ADGRG1: variants seen among roughly 807,000 people sequenced by gnomAD.
ADGRG1 encodes adhesion G protein-coupled receptor G1.
ADGRG1 carries 53 observed loss-of-function variants against 73.5 expected under a neutral mutation model. That is an observed-to-expected ratio of 0.72 (90% CI 0.58 to 0.91). The LOEUF (loss-of-function observed/expected upper bound fraction) is 0.91, where lower values mean the gene tolerates loss of function less well. Among genes scored for constraint, ADGRG1 ranks in the 40% least tolerant of loss-of-function variants. The probability of loss-of-function intolerance (pLI) is 0.00; values close to 1 mark genes in which losing one functional copy is unlikely to be tolerated. For synonymous variants in ADGRG1, 394 were observed against 374.4 expected (o/e 1.05, Z -0.60); for missense variants, 795 against 871.8 (o/e 0.91, Z 1.11).
chr16:57,655,317 G>GT lies in ADGRG1; in HGVS notation c.769-82_769-81insT, dbSNP rs2045410604. 105 of 1,542,014 alleles carry GT rather than the reference G, an allele frequency of 6.8e-5. No homozygotes were observed. The Middle Eastern group carries it at 1.7e-3, about 24-fold the overall frequency. ...GAAGTGGCAGCGTCCAGGAACGGAT[G>GT]GGTGTGTGTGTGTGTGTGCTAGGGT... On this transcript the variant is annotated intron_variant, in intron 5 of 13. Transcript: ENST00000562631.
intron 12 of ADGRG1, 75 bp downstream of exon 12, chr16:57,660,951 G>C: frequency 1.1e-6 from 1 of 899,680 alleles, no homozygotes; most frequent in Non-Finnish European, 1.8e-6. Flanking sequence ...CCGGGCCCAG[G>C]TCATGCTGGC....
chr16:57,661,752 C>T lies in ADGRG1; in HGVS notation c.1720C>T (p.Leu574=), dbSNP rs1597673726. The T allele has an allele frequency of 6.2e-7, 1 of 1,614,218 alleles. No homozygotes were observed. Among genetic ancestry groups the T allele is most frequent in the South Asian group, 1.1e-5 (1 of 91,090 alleles). The change falls in exon 13 of 14, where the codon CTG becomes TTG. Residue 574 remains leucine, a synonymous_variant. Transcript: ENST00000562631. ...SYITNLGLFS[L]VFLFNMAMLA... ...CATCACCAACCTGGGCCTCTTCAGC[C>T]TGGTGTTTCTGTTCAACATGGCCAT...
Position 57,653,289 on chromosome 16 carries a change from C to T in ADGRG1, c.574C>T (p.His192Tyr). Residue 192 changes from histidine (H) to tyrosine (Y), a missense_variant, in exon 4 of 14, where the codon CAT becomes TAT. His to Tyr is a moderately conservative substitution (Grantham distance 83). Transcript: ENST00000562631. ...CCAGCTGCTCAGCCAGTTCCTGAAG[C>T]ATCCCCAGAAGGCCTCAAGGAGGCC... ...DLQLLSQFLK[H>Y]PQKASRRPSA... 1 of 1,612,730 alleles carries T rather than the reference C, an allele frequency of 6.2e-7. No individual in the cohort carries two copies. Among genetic ancestry groups the T allele is most frequent in the Non-Finnish European group, 8.5e-7 (1 of 1,179,986 alleles).
chr16:57,663,659 C>A lies in ADGRG1; in HGVS notation c.*77C>A, dbSNP rs2047816584. 4.0e-6 allele frequency: 6 copies of A among 1,496,958 alleles called. No homozygotes were observed. The Admixed American group carries it at 1.0e-4, about 25-fold the overall frequency. The allele number at this position is 1,496,958 out of a possible 1,614,324, so 92.7% of individuals were successfully genotyped here. The stretch of plus-strand genomic sequence containing the variant: ...CACTGCCTGTGGCCCCCGAGCCCGG[C>A]CCAGCCCCAGGCCAGTCAGCCGCAG... On this transcript the variant is annotated 3_prime_UTR_variant, in exon 14 of 14. Coordinates refer to ENST00000562631, the MANE Select transcript of ADGRG1 (RefSeq NM_201525.4).
At position 57,655,962 on chromosome 16, in the gene ADGRG1, G is replaced by T. The variant is rs780089407; in HGVS notation, c.987G>T (p.Val329=). 6.2e-7 allele frequency: 1 copy of T among 1,614,074 alleles called. No homozygotes were observed. The highest frequency in any genetic ancestry group is 2.2e-5 in the East Asian group (1 of 44,876). ...NTKVANLTEP[V]VLTFQHQLQP... The stretch of plus-strand genomic sequence containing the variant: ...AAGTAGCCAACCTCACGGAGCCCGT[G>T]GTGCTCACTTTCCAGCACCAGCTAC... Residue 329 remains valine (V), a synonymous_variant, in exon 7 of 14, where the codon GTG becomes GTT. Coordinates refer to ENST00000562631, the MANE Select transcript of ADGRG1 (RefSeq NM_201525.4).
chr16:57,651,636 C>T lies in ADGRG1; in HGVS notation c.487+14C>T, dbSNP rs1309661776. 7 of 1,612,038 alleles carry T rather than the reference C, an allele frequency of 4.3e-6. No homozygotes were observed. In the Admixed American group the frequency reaches 1.0e-4, roughly 23 times the overall value. On this transcript the variant is annotated intron_variant, in intron 3 of 13. Coordinates refer to ENST00000562631, the MANE Select transcript of ADGRG1 (RefSeq NM_201525.4). Reference sequence around the variant, plus strand: ...TCTCCTTCCACAGTAAGGCAACTTCCAGGCGGAGGGAACAACTGGGCAGTG... The same window carrying T: ...TCTCCTTCCACAGTAAGGCAACTTCTAGGCGGAGGGAACAACTGGGCAGTG...
intron 7 of ADGRG1, 116 bp from the exon 8 acceptor site, chr16:57,656,110 G>T: frequency 6.2e-7 from 1 of 1,613,530 alleles, no homozygotes; most frequent in Non-Finnish European, 8.5e-7. Flanking sequence ...CGAGCAGTCA[G>T]GTCCAAATGG....
chr16:57,627,123 G>A (rs1280629273), upstream of ADGRG1: 2 of 983,630 alleles, frequency 2.0e-6, no homozygotes, highest in African/African-American at 3.5e-5. Context: ...CCCACGGGGT[G>A]GCTTTGTGGC....
In ADGRG1 at chr16:57,656,012, C is replaced by T. The variant is rs984495987; in HGVS notation, c.1017+20C>T. 6.2e-7 allele frequency: 1 copy of T among 1,613,864 alleles called. No individual in the cohort carries two copies. The highest frequency in any genetic ancestry group is 1.7e-5 in the Admixed American group (1 of 60,010). ...CAGCCGGTGAGTGGGGGCCAGCCAT[C>T]AAGAGAACAAGCGCCCCTCGGCCAT... On this transcript the variant is annotated intron_variant, in intron 7 of 13. Transcript: ENST00000562631.
rs1463074588 is a variant in ADGRG1, at chr16:57,655,387, G to A, written c.769-12G>A. 3.1e-6 allele frequency: 5 copies of A among 1,612,332 alleles called. No individual in the cohort carries two copies. The highest frequency in any genetic ancestry group is 1.7e-5 in the Admixed American group (1 of 59,984). ...GTCCGCATTTGGCTGAGCCCTAAAGGGACCTCTGCAGGAGGAGCAGAGCGA... is the reference window on the plus strand; with the variant it reads ...GTCCGCATTTGGCTGAGCCCTAAAGAGACCTCTGCAGGAGGAGCAGAGCGA... On this transcript the variant is annotated splice_polypyrimidine_tract_variant and intron_variant, in intron 5 of 13. Transcript: ENST00000562631.
Position 57,663,586 on chromosome 16 carries a change from T to TCCAG in ADGRG1, c.*7_*10dup. 6.2e-7 allele frequency: 1 copy of TCCAG among 1,612,598 alleles called. No homozygotes were observed. The highest frequency in any genetic ancestry group is 8.5e-7 in the Non-Finnish European group (1 of 1,179,834). ...CACCTCGTCCAGCCGCATCTAGGCC[T>TCCAG]CCAGCCCACCTGCCCATGTGATGAA... On this transcript the variant is annotated 3_prime_UTR_variant, in exon 14 of 14. Transcript: ENST00000562631.
At chr16:57,643,477 C>T in intron 1 of ADGRG1, 2 of 712,966 alleles carry the variant, frequency 2.8e-6, no homozygotes, top group Non-Finnish European at 3.4e-6. Flanking sequence ...CAGGGTGTGT[C>T]TGGGCAGGCA....
At chr16:57,637,771 C>A in intron 1 of ADGRG1, 1 of 888,220 alleles carries the variant, frequency 1.1e-6, no homozygotes, top group Non-Finnish European at 1.3e-6. Flanking sequence ...AGACACCATC[C>A]CCTCAGCCCC....
At chr16:57,635,739 C>T (rs1413672606) in intron 1 of ADGRG1, 3 of 985,222 alleles carry the variant, frequency 3.0e-6, no homozygotes, top group Non-Finnish European at 2.4e-6. Flanking sequence ...CTCTCCATGT[C>T]GTTGCCAGGG....
intron 1 of ADGRG1, chr16:57,632,218 C>A: frequency 1.0e-6 from 1 of 985,448 alleles, no homozygotes; most frequent in Non-Finnish European, 1.2e-6. Flanking sequence ...GCCAGCCAGG[C>A]ACATGCTCGT....
rs549056225 is a variant in ADGRG1 at position 57,630,491 on chromosome 16, T to C, written c.-36+1689T>C. On this transcript the variant is annotated intron_variant, in intron 1 of 13. Coordinates refer to ENST00000562631, the MANE Select transcript of ADGRG1 (RefSeq NM_201525.4). ...CTGCTAAATGGGTGTGTAGGGGTGATCACAGCTGCCCTGGCTCCCGTAGGC... is the reference window on the plus strand; with the variant it reads ...CTGCTAAATGGGTGTGTAGGGGTGACCACAGCTGCCCTGGCTCCCGTAGGC... 22 of 985,664 alleles carry C rather than the reference T, an allele frequency of 2.2e-5. No homozygotes were observed. In the South Asian group the frequency reaches 7.0e-4, roughly 32 times the overall value. The allele number at this position is 985,664 out of a possible 1,614,324, so 61.1% of individuals were successfully genotyped here.
At chr16:57,627,411 C>A (rs1159492865), upstream of ADGRG1, 1 of 152,358 alleles carries the variant, frequency 6.6e-6, no homozygotes, top group Non-Finnish European at 1.5e-5. Flanking sequence ...ACGGCCTGTG[C>A]TCCCGCCATC....
At chr16:57,645,766 T>G (rs2042474610) in intron 1 of ADGRG1, among the ~76,000 whole-genome samples, 1 of 152,100 alleles carries the variant, frequency 6.6e-6, no homozygotes, top group Admixed American at 6.5e-5. Context: ...CAGAGGAAGG[T>G]CTGACCCACC....
chr16:57,635,143 T>C (rs1868677), intron 1 of ADGRG1: 480,036 of 984,776 alleles, frequency 0.49, 120,820 homozygotes, highest in African/African-American at 0.81. Flanking sequence ...CTCTCCCTTA[T>C]CCAACAGGCT....
Sources: gnomAD v4.1 joint callset for allele counts (sites outside exome capture counted in the v4.1 genomes callset) on GRCh38, gnomAD v4.1.1 for gene constraint, MANE v1.5 for transcripts, NCBI Gene and HGNC (gene_info 2026-07-23, HGNC 2026-07-21) for gene names.